Variants in MAPK14 observed in about 807,000 individuals in gnomAD.
MAPK14 encodes mitogen-activated protein kinase 14.
Under a neutral mutation model 49.6 loss-of-function variants are expected in MAPK14, and 16 were observed. The observed-to-expected ratio is 0.32, with a 90% CI of 0.22 to 0.49. The LOEUF (loss-of-function observed/expected upper bound fraction) is 0.49. Ranked by LOEUF, MAPK14 falls within the 20% of genes least tolerant of loss-of-function variation. The pLI, the probability that MAPK14 is intolerant of heterozygous loss-of-function variation, is 0.99. For synonymous variants in MAPK14, 142 were observed against 158.0 expected (o/e 0.90, Z 0.76); for missense variants, 200 against 441.2 (o/e 0.45, Z 4.90).
intron 1 of MAPK14, among the ~76,000 whole-genome samples, chr6:36,045,831 A>G (rs2127408859): frequency 6.7e-6 from 1 of 150,002 alleles, no homozygotes; most frequent in South Asian, 2.2e-4. Context: ...AAAAAAAAAA[A>G]AAGAAAGAAA....
rs2127420669 is a variant in MAPK14 at position 36,055,190 on chromosome 6, G to A, written c.246+2362G>A. Among the ~76,000 whole-genome samples the A allele has an allele frequency of 1.3e-5, 2 of 152,354 alleles. 1 individual carries two copies. The highest frequency in any genetic ancestry group is 6.8e-3 in the Middle Eastern group (2 of 294). On this transcript the variant is annotated intron_variant, in intron 2 of 11. Coordinates refer to ENST00000229794, the MANE Select transcript of MAPK14 (RefSeq NM_139012.3). ...AAGATTAAAGGGAGGCAGCCTGCCA[G>A]CTGCATCCTTTGCTGTCTGGGCAGA...
intron 1 of MAPK14, among the ~76,000 whole-genome samples, chr6:36,037,034 G>A (rs760017070): frequency 3.3e-5 from 5 of 152,078 alleles, no homozygotes; most frequent in Non-Finnish European, 7.4e-5. Flanking sequence ...GAGCCACTGT[G>A]CCCGGCTAAT....
chr6:36,056,509 A>C (rs1256075631), intron 2 of MAPK14, among the ~76,000 whole-genome samples: 1 of 152,222 alleles, frequency 6.6e-6, no homozygotes, highest in Non-Finnish European at 1.5e-5. Context: ...AGAAATTATA[A>C]GCTCTTGGAC....
At position 36,028,879 on chromosome 6, in the gene MAPK14, T is replaced by A. The variant is rs1307670162; in HGVS notation, c.116+606T>A. On this transcript the variant is annotated intron_variant, in intron 1 of 11. Coordinates refer to ENST00000229794, the MANE Select transcript of MAPK14 (RefSeq NM_139012.3). This position sits in a 1 kb window ranked among gnomAD's most constrained non-coding sequence, Gnocchi z 5.1. ...GAATTCGCACTTGAATTAACAGCGATCCATAGAGCTTAAAATACCGACTTT... is the reference window on the plus strand; with the variant it reads ...GAATTCGCACTTGAATTAACAGCGAACCATAGAGCTTAAAATACCGACTTT... Among the ~76,000 whole-genome samples the A allele has an allele frequency of 1.4e-5, 2 of 145,752 alleles. No homozygotes were observed. Among genetic ancestry groups the A allele is most frequent in the Non-Finnish European group, 3.0e-5 (2 of 66,946 alleles).
the MAPK14 span, among the ~76,000 whole-genome samples, chr6:36,117,050 A>G: frequency 3.3e-5 from 5 of 151,864 alleles, no homozygotes; most frequent in Non-Finnish European, 7.4e-5. Flanking sequence ...TTCCATAAGG[A>G]CTCCCTGGCT....
intron 11 of MAPK14, 26 bp from the exon 12 acceptor site, chr6:36,108,354 T>A (rs199513294): frequency 6.3e-6 from 10 of 1,578,110 alleles, no homozygotes; most frequent in Admixed American, 3.3e-5. Flanking sequence ...AACTCTCACA[T>A]CTTACTTTTC....
intron 3 of MAPK14, among the ~76,000 whole-genome samples, chr6:36,067,214 G>A (rs960917553): frequency 6.6e-6 from 1 of 152,064 alleles, no homozygotes; most frequent in Non-Finnish European, 1.5e-5. Flanking sequence ...AGATTAGCTA[G>A]TTTTAAAAGG....
At chr6:36,124,118 T>TCCTCCCTC in the MAPK14 span, among the ~76,000 whole-genome samples, 3 of 38,616 alleles carry the variant, frequency 7.8e-5, no homozygotes, top group African/African-American at 1.5e-4. Context: ...TCTCTCTCTC[T>TCCTCCCTC]CCTCCCTCCC....
intron 1 of MAPK14, among the ~76,000 whole-genome samples, chr6:36,045,994 A>T (rs947122364): frequency 2.0e-5 from 3 of 152,140 alleles, no homozygotes; most frequent in Non-Finnish European, 4.4e-5. Context: ...TTAGAAGTTA[A>T]ACAGAATTAT....
At chr6:36,075,159 G>A (rs896394953) in intron 6 of MAPK14, among the ~76,000 whole-genome samples, 1 of 145,298 alleles carries the variant, frequency 6.9e-6, no homozygotes, top group African/African-American at 2.6e-5. Context: ...CTGGGAGGCA[G>A]AGCTTGCAGT....
chr6:36,069,818 A>G (rs1036144526), intron 3 of MAPK14, among the ~76,000 whole-genome samples: 1 of 152,130 alleles, frequency 6.6e-6, no homozygotes, highest in African/African-American at 2.4e-5. Flanking sequence ...TGAAGTTGCT[A>G]TGGTTTCATT....
intron 6 of MAPK14, 78 bp from the exon 7 acceptor site, chr6:36,075,770 T>G: frequency 6.3e-7 from 1 of 1,593,316 alleles, no homozygotes; most frequent in Non-Finnish European, 8.6e-7. Flanking sequence ...GAGGTTTGTT[T>G]GTTGTTGTTG....
intron 8 of MAPK14, chr6:36,092,234 A>G (rs1289669844): frequency 5.3e-6 from 3 of 562,556 alleles, no homozygotes; most frequent in East Asian, 4.7e-5. Context: ...TGTGTGGTAC[A>G]GTTTGACAAA....
chr6:36,057,285 A>G (rs1333367001), intron 2 of MAPK14, among the ~76,000 whole-genome samples: 1 of 152,236 alleles, frequency 6.6e-6, no homozygotes, highest in African/African-American at 2.4e-5. Context: ...AAAAGGCAGG[A>G]TATAAAACTA....
chr6:36,088,795 A>G (rs1765098694), intron 8 of MAPK14, among the ~76,000 whole-genome samples: 1 of 152,228 alleles, frequency 6.6e-6, no homozygotes, highest in Non-Finnish European at 1.5e-5. Context: ...ACAGCCAACA[A>G]ACATGAAAAA....
intron 8 of MAPK14, among the ~76,000 whole-genome samples, chr6:36,082,536 C>T (rs1326817655): frequency 1.3e-5 from 2 of 152,158 alleles, no homozygotes; most frequent in Non-Finnish European, 2.9e-5. Context: ...CTGGTCAGGA[C>T]CTCAGGAAGC....
chr6:36,055,477 G>A (rs146150504), intron 2 of MAPK14, among the ~76,000 whole-genome samples: 3 of 152,210 alleles, frequency 2.0e-5, no homozygotes, highest in African/African-American at 7.2e-5. Flanking sequence ...ACCATGATGG[G>A]ATAATCATTA....
At chr6:36,084,229 T>C (rs983639368) in intron 8 of MAPK14, among the ~76,000 whole-genome samples, 3 of 152,042 alleles carry the variant, frequency 2.0e-5, no homozygotes, top group African/African-American at 7.2e-5. Context: ...GGTAAAGTCA[T>C]GAAGATGAGA....
chr6:36,095,066 C>T (rs1765392353), intron 8 of MAPK14, among the ~76,000 whole-genome samples: 1 of 152,180 alleles, frequency 6.6e-6, no homozygotes, highest in Non-Finnish European at 1.5e-5. Flanking sequence ...ATATTAAAAG[C>T]TATTTTATAA....
Sources: gnomAD v4.1 joint callset for allele counts (sites outside exome capture counted in the v4.1 genomes callset) on GRCh38, gnomAD v4.1.1 for gene constraint, Gnocchi (gnomAD v3.1) non-coding constraint, MANE v1.5 for transcripts, NCBI Gene and HGNC (gene_info 2026-07-23, HGNC 2026-07-21) for gene names.